Variants in EXOC6 observed in about 807,000 individuals in gnomAD.
The protein encoded by EXOC6 is exocyst complex component 6, also known as SEC15-like 1.
In EXOC6, 60 loss-of-function variants were observed where a neutral mutation model predicts 112.5. The ratio of observed to expected loss-of-function variants is 0.53; its 90% confidence interval spans 0.43 to 0.66. The LOEUF is 0.66. Among genes scored for constraint, EXOC6 ranks in the 30% least tolerant of loss-of-function variants. The pLI is 0.00. For missense variants in EXOC6, 855 were observed against 957.1 expected (o/e 0.89, Z 1.41); for synonymous variants, 295 against 308.0 (o/e 0.96, Z 0.44).
At chr10:92,828,961 A>G (rs1421639379) in intron 1 of EXOC6, among the ~76,000 whole-genome samples, 3 of 152,094 alleles carry the variant, frequency 2.0e-5, no homozygotes, top group Non-Finnish European at 4.4e-5. Context: ...AATGAAAAGC[A>G]GCCTCCAAAT....
intron 13 of EXOC6, among the ~76,000 whole-genome samples, chr10:92,944,796 G>A (rs1422762282): frequency 1.5e-5 from 2 of 137,154 alleles, no homozygotes; most frequent in Non-Finnish European, 3.3e-5. Context: ...TTTTGAGACA[G>A]AGTTTCGCTC....
chr10:92,896,664 T>C (rs1240731757), intron 4 of EXOC6, among the ~76,000 whole-genome samples: 2 of 151,990 alleles, frequency 1.3e-5, no homozygotes, highest in Non-Finnish European at 2.9e-5. Flanking sequence ...CTTGGTTCAC[T>C]GCAACCTCAG....
At chr10:92,914,142 C>T (rs532242276) in intron 6 of EXOC6, among the ~76,000 whole-genome samples, 3 of 152,234 alleles carry the variant, frequency 2.0e-5, no homozygotes, top group Admixed American at 6.5e-5. Context: ...GCCTGAGCTC[C>T]GCCTCCTGTC....
chr10:93,055,629 A>G (rs905578175), intron 20 of EXOC6, among the ~76,000 whole-genome samples: 6 of 152,204 alleles, frequency 3.9e-5, no homozygotes, highest in African/African-American at 1.4e-4. Context: ...CAGAACTTTA[A>G]ATAAGTTCCC....
intron 19 of EXOC6, among the ~76,000 whole-genome samples, chr10:93,007,312 AT>A (rs1483014776): frequency 2.0e-5 from 3 of 151,732 alleles, no homozygotes; most frequent in African/African-American, 7.3e-5. Flanking sequence ...ATATATACAA[AT>A]AACTCATGTT....
intron 13 of EXOC6, among the ~76,000 whole-genome samples, chr10:92,947,766 G>A (rs551970963): frequency 1.2e-3 from 183 of 152,252 alleles, no homozygotes; most frequent in African/African-American, 4.2e-3. Context: ...TTAGCCAGGC[G>A]TGGTGGCACG....
chr10:92,943,746 A>C (rs930150872), intron 13 of EXOC6, among the ~76,000 whole-genome samples: 3 of 150,522 alleles, frequency 2.0e-5, no homozygotes, highest in Admixed American at 1.3e-4. Flanking sequence ...TTTAAAATCT[A>C]CTGTTGGCAA....
At chr10:92,990,540 TGA>T (rs1843187731) in intron 18 of EXOC6, among the ~76,000 whole-genome samples, 1 of 152,218 alleles carries the variant, frequency 6.6e-6, no homozygotes, top group African/African-American at 2.4e-5. Flanking sequence ...TAGACCTTAA[TGA>T]GAGTTACTTC....
chr10:92,984,917 T>G (rs530938262), intron 18 of EXOC6, among the ~76,000 whole-genome samples: 2 of 152,248 alleles, frequency 1.3e-5, no homozygotes, highest in East Asian at 3.9e-4. Context: ...GAGGATCGCT[T>G]GAGCCCAGGA....
chr10:92,946,452 C>G (rs1240849523), intron 13 of EXOC6, among the ~76,000 whole-genome samples: 2 of 152,152 alleles, frequency 1.3e-5, no homozygotes, highest in Non-Finnish European at 2.9e-5. Context: ...TCTACCCCTA[C>G]TGTTGCAGCT....
At chr10:93,026,432 T>C (rs1434327871) in intron 20 of EXOC6, among the ~76,000 whole-genome samples, 1 of 152,272 alleles carries the variant, frequency 6.6e-6, no homozygotes, top group Admixed American at 6.5e-5. Context: ...TTCCAGTGGC[T>C]GTGTGGTAGT....
At chr10:92,964,777 A>G (rs1841976918) in intron 17 of EXOC6, among the ~76,000 whole-genome samples, 1 of 152,184 alleles carries the variant, frequency 6.6e-6, no homozygotes, top group African/African-American at 2.4e-5. Context: ...TGCTCAGTAG[A>G]TGTCACCATG....
At chr10:92,875,388 G>T (rs1848640382) in intron 1 of EXOC6, among the ~76,000 whole-genome samples, 1 of 152,028 alleles carries the variant, frequency 6.6e-6, no homozygotes. Flanking sequence ...TATTTTATAT[G>T]TCTGGATTCT....
At chr10:92,915,995 C>T (rs1851062214) in intron 7 of EXOC6, 82 bp downstream of exon 7, 10 of 995,402 alleles carry the variant, frequency 1.0e-5, no homozygotes, top group South Asian at 1.8e-5. Flanking sequence ...GTGATTTAGT[C>T]TTCCTGTATG....
chr10:92,920,028 G>T lies in EXOC6; in HGVS notation c.866G>T (p.Cys289Phe). 6.2e-7 allele frequency: 1 copy of T among 1,604,510 alleles called. No individual in the cohort carries two copies. Among genetic ancestry groups the T allele is most frequent in the Non-Finnish European group, 8.5e-7 (1 of 1,174,452 alleles). The change falls in exon 8 of 22, where the codon TGT becomes TTT. Residue 289 changes from cysteine (C) to phenylalanine (F), a missense_variant. By Grantham distance (205) the Cys-to-Phe change is radical. Transcript: ENST00000260762. Reference sequence around the variant, plus strand: ...GTTGATTTTTCCCCTGTTTATCGATGTTTGCACATTTATTCTGTTTTGGTA... The same window carrying T: ...GTTGATTTTTCCCCTGTTTATCGATTTTTGCACATTTATTCTGTTTTGGTA... ...DLVDFSPVYR[C>F]LHIYSVLGDE...
chr10:93,055,328 T>C (rs1846487904), intron 20 of EXOC6, among the ~76,000 whole-genome samples: 1 of 152,206 alleles, frequency 6.6e-6, no homozygotes, highest in Non-Finnish European at 1.5e-5. Context: ...TTAACCAGTC[T>C]CTTAATATTG....
upstream of EXOC6, among the ~76,000 whole-genome samples, chr10:92,834,002 G>T (rs929805986): frequency 6.6e-6 from 1 of 151,896 alleles, no homozygotes; most frequent in Non-Finnish European, 1.5e-5. Context: ...CTGCAGAAGG[G>T]ATCTAGCAAA....
At chr10:92,901,369 G>T (rs1400044849) in intron 5 of EXOC6, 2 of 151,774 alleles carry the variant, frequency 1.3e-5, no homozygotes, top group Non-Finnish European at 2.9e-5. Context: ...TTTATTAACT[G>T]GCTGTTTTAT....
chr10:92,938,672 C>T (rs577443329), intron 12 of EXOC6, among the ~76,000 whole-genome samples: 1 of 152,238 alleles, frequency 6.6e-6, no homozygotes, highest in East Asian at 1.9e-4. Context: ...GTACCCAATA[C>T]ATGTTGGCAG....
Sources: gnomAD v4.1 joint callset for allele counts (sites outside exome capture counted in the v4.1 genomes callset) on GRCh38, gnomAD v4.1.1 for gene constraint, MANE v1.5 for transcripts, NCBI Gene and HGNC (gene_info 2026-07-23, HGNC 2026-07-21) for gene names.